Variants in CDKN1C observed in about 807,000 individuals in gnomAD.
CDKN1C encodes cyclin dependent kinase inhibitor 1C.
In CDKN1C, 7 loss-of-function variants were observed where a neutral mutation model predicts 16.5. The observed-to-expected ratio is 0.42, with a 90% CI of 0.24 to 0.80. The LOEUF is 0.80. Ranked by LOEUF, CDKN1C falls within the 30% of genes least tolerant of loss-of-function variation. CDKN1C has a pLI of 0.26. For missense variants in CDKN1C, 429 were observed against 437.3 expected, an observed-to-expected ratio of 0.98 and a Z score of 0.17; for synonymous variants, 288 against 214.4, an observed-to-expected ratio of 1.34 and a Z score of -3.00.
At position 2,883,711 on chromosome 11, in the gene CDKN1C, T is replaced by C. The variant is rs1848858094; in HGVS notation, c.*210A>G. 1 of 1,267,854 alleles carries C rather than the reference T, an allele frequency of 7.9e-7. No individual in the cohort carries two copies. Among genetic ancestry groups the C allele is most frequent in the Non-Finnish European group, 1.0e-6 (1 of 966,390 alleles). 78.5% of individuals were successfully genotyped at this position (1,267,854 alleles called of 1,614,324 possible). A position where few individuals can be genotyped will look rare whatever the true frequency, so the allele number is the denominator to read the frequency against. Reference sequence around the variant, plus strand: ...TTAAAGCTTTACACCTTGGGACCAGTGTACCTTCTCGTGCAGAATACATTT... The same window carrying C: ...TTAAAGCTTTACACCTTGGGACCAGCGTACCTTCTCGTGCAGAATACATTT... On this transcript the variant is annotated 3_prime_UTR_variant, in exon 4 of 4. Coordinates refer to ENST00000440480, the MANE Select transcript of CDKN1C (RefSeq NM_001122630.2).
chr11:2,883,829 G>A lies in CDKN1C; in HGVS notation c.*92C>T. 6.5e-7 allele frequency: 1 copy of A among 1,532,970 alleles called. No homozygotes were observed. The highest frequency in any genetic ancestry group is 1.2e-5 in the South Asian group (1 of 82,526). The allele number at this position is 1,532,970 out of a possible 1,614,324, so 95.0% of individuals were successfully genotyped here. A position where few individuals can be genotyped will look rare whatever the true frequency, so the allele number is the denominator to read the frequency against. ...TCTGCGGCAGCCGCCGCCGGTTGCT[G>A]CTACATGAACGGTCCCAGCCGAGGC... On this transcript the variant is annotated 3_prime_UTR_variant, in exon 4 of 4. Transcript: ENST00000440480.
Position 2,883,481 on chromosome 11 carries a change from G to A in CDKN1C, c.*440C>T, listed in dbSNP as rs920555446. On this transcript the variant is annotated 3_prime_UTR_variant, in exon 4 of 4. Coordinates refer to ENST00000440480, the MANE Select transcript of CDKN1C (RefSeq NM_001122630.2). ...TCAATAACCAGATGTGGGAGATGGA[G>A]AGTGCCTTTGGCATAACCAATAACC... 1 of 211,088 alleles carries A rather than the reference G, an allele frequency of 4.7e-6. No homozygotes were observed. Among genetic ancestry groups the A allele is most frequent in the African/African-American group, 2.3e-5 (1 of 43,622 alleles). The allele number at this position is 211,088 out of a possible 1,614,324, so 13.1% of individuals were successfully genotyped here.
Position 2,884,292 on chromosome 11 carries a change from G to A in CDKN1C, c.788-158C>T, listed in dbSNP as rs551139928. ...GGGTCAGCTTTGTTTACGTCGCCGC[G>A]CAATGTGCTGTGTAAGCATTTCCCC... On this transcript the variant is annotated intron_variant, in intron 2 of 3. Transcript: ENST00000440480. 1.1e-3 allele frequency: 309 copies of A among 289,402 alleles called. 1 individual carries two copies. Among genetic ancestry groups the A allele is most frequent in the African/African-American group, 6.8e-3 (297 of 43,982 alleles). 17.9% of individuals were successfully genotyped at this position (289,402 alleles called of 1,614,324 possible).
At position 2,884,692 on chromosome 11, in the gene CDKN1C, C is replaced by T. The variant is rs1590148866; in HGVS notation, c.765G>A (p.Lys255=). The T allele has an allele frequency of 6.8e-7, 1 of 1,479,566 alleles. No individual in the cohort carries two copies. Among genetic ancestry groups the T allele is most frequent in the Non-Finnish European group, 8.9e-7 (1 of 1,117,692 alleles). The allele number at this position is 1,479,566 out of a possible 1,614,324, so 91.7% of individuals were successfully genotyped here. A position where few individuals can be genotyped will look rare whatever the true frequency, so the allele number is the denominator to read the frequency against. ...AASANGAAIK[K]LSGPLISDFF... is the part of the protein sequence containing the mutation. ...CACCGGAGATCAGAGGCCCGGACAG[C>T]TTCTTGATCGCCGCGCCGTTGGCGC... is the stretch of plus-strand genomic sequence containing the variant. Residue 255 remains lysine, a synonymous_variant, in exon 2 of 4, where the codon AAG becomes AAA. Coordinates refer to ENST00000440480, the MANE Select transcript of CDKN1C (RefSeq NM_001122630.2).
In CDKN1C at chr11:2,884,792, C is replaced by G. The variant is rs564726941; in HGVS notation, c.665G>C (p.Arg222Pro). Residue 222 changes from arginine to proline, a missense_variant, in exon 2 of 4, where the codon CGC (arginine) becomes CCC (proline). Transcript: ENST00000440480. ...SAEQGANQGQ[R>P]GQEPLADQLH... Reference sequence around the variant, plus strand: ...CTGGTCAGCGAGAGGCTCCTGGCCGCGCTGCCCCTGGTTCGCGCCCTGCTC... The same window carrying G: ...CTGGTCAGCGAGAGGCTCCTGGCCGGGCTGCCCCTGGTTCGCGCCCTGCTC... 6.7e-7 allele frequency: 1 copy of G among 1,481,852 alleles called. No individual in the cohort carries two copies. Among genetic ancestry groups the G allele is most frequent in the South Asian group, 1.2e-5 (1 of 81,532 alleles). The allele number at this position is 1,481,852 out of a possible 1,614,324, so 91.8% of individuals were successfully genotyped here. A position where few individuals can be genotyped will look rare whatever the true frequency, so the allele number is the denominator to read the frequency against.
Position 2,883,634 on chromosome 11 carries a change from T to C in CDKN1C, c.*287A>G. ...TTTTTCCTTTTTTTTTTCTTTTTTC[T>C]TTTTTTTGCACTGAGTTTCAGCAGA... On this transcript the variant is annotated 3_prime_UTR_variant, in exon 4 of 4. Coordinates refer to ENST00000440480, the MANE Select transcript of CDKN1C (RefSeq NM_001122630.2). 1.6e-6 allele frequency: 1 copy of C among 613,822 alleles called. No individual in the cohort carries two copies. Among genetic ancestry groups the C allele is most frequent in the Non-Finnish European group, 2.4e-6 (1 of 419,166 alleles). The allele number at this position is 613,822 out of a possible 1,614,324, so 38.0% of individuals were successfully genotyped here. A position where few individuals can be genotyped will look rare whatever the true frequency, so the allele number is the denominator to read the frequency against.
chr11:2,885,737 T>C lies in CDKN1C; in HGVS notation c.-114A>G. The C allele has an allele frequency of 1.7e-6, 1 of 588,200 alleles. No individual in the cohort carries two copies. The highest frequency in any genetic ancestry group is 3.0e-6 in the Non-Finnish European group (1 of 330,526). The allele number at this position is 588,200 out of a possible 1,614,324, so 36.4% of individuals were successfully genotyped here. On this transcript the variant is annotated 5_prime_UTR_variant, in exon 1 of 4. Coordinates refer to ENST00000440480, the MANE Select transcript of CDKN1C (RefSeq NM_001122630.2). Reference sequence around the variant, plus strand: ...GCTGGCTAGCTCGCTCGCTCAGGCCTGGCCGGCACCCCTCGAGCACAGCGC... The same window carrying C: ...GCTGGCTAGCTCGCTCGCTCAGGCCCGGCCGGCACCCCTCGAGCACAGCGC...
Position 2,884,721 on chromosome 11 carries a change from C to T in CDKN1C, c.736G>A (p.Ala246Thr), listed in dbSNP as rs754283907. 1.3e-6 allele frequency: 2 copies of T among 1,503,718 alleles called. No individual in the cohort carries two copies. The highest frequency in any genetic ancestry group is 2.0e-5 in the Admixed American group (1 of 49,778). 93.1% of individuals were successfully genotyped at this position (1,503,718 alleles called of 1,614,324 possible). A position where few individuals can be genotyped will look rare whatever the true frequency, so the allele number is the denominator to read the frequency against. ...SGRPAAGTAA[A>T]SANGAAIKKL... The stretch of plus-strand genomic sequence containing the variant: ...TTGATCGCCGCGCCGTTGGCGCTGG[C>T]GGCCGCGGTGCCGGCCGCGGGACGT... Residue 246 changes from alanine to threonine, a missense_variant, in exon 2 of 4, where the codon GCC becomes ACC. By Grantham distance (58) the Ala-to-Thr change is moderately conservative. Transcript: ENST00000440480.
At position 2,884,964 on chromosome 11, in the gene CDKN1C, C is replaced by CCAG; in HGVS notation, c.492_493insCTG (p.Val164_Ala165insLeu). 3.9e-6 allele frequency: 4 copies of CCAG among 1,021,092 alleles called. No individual in the cohort carries two copies. The highest frequency in any genetic ancestry group is 1.8e-5 in the African/African-American group (1 of 55,918). The allele number at this position is 1,021,092 out of a possible 1,614,324, so 63.3% of individuals were successfully genotyped here. A position where few individuals can be genotyped will look rare whatever the true frequency, so the allele number is the denominator to read the frequency against. ...GGGGCCGGGGCCGGGGCCAGGACCG[C>CCAG]GACCGCGACCGGAGCCGCGACCGGA... On this transcript the variant is annotated inframe_insertion, in exon 2 of 4. Transcript: ENST00000440480.
At position 2,884,978 on chromosome 11, in the gene CDKN1C, GCC is replaced by G; in HGVS notation, c.477_478del (p.Ala160SerfsTer69). 1.6e-6 allele frequency: 1 copy of G among 609,882 alleles called. No homozygotes were observed. The highest frequency in any genetic ancestry group is 2.2e-6 in the Non-Finnish European group (1 of 455,010). 37.8% of individuals were successfully genotyped at this position (609,882 alleles called of 1,614,324 possible). A position where few individuals can be genotyped will look rare whatever the true frequency, so the allele number is the denominator to read the frequency against. On this transcript the variant is annotated frameshift_variant, in exon 2 of 4. Coordinates refer to ENST00000440480, the MANE Select transcript of CDKN1C (RefSeq NM_001122630.2). LOFTEE classifies it high-confidence loss of function. ...GGCCAGGACCGCGACCGCGACCGGA[GCC>G]GCGACCGGAGCCGCGACCGGAGCCG...
intron 2 of CDKN1C, chr11:2,884,403 G>C (rs1246393603): frequency 4.2e-6 from 1 of 238,408 alleles, no homozygotes; most frequent in East Asian, 8.3e-5. Context: ...CGCCCGGGGA[G>C]GGGCTCCCGC....
intron 1 of CDKN1C, 37 bp downstream of exon 1, chr11:2,885,597 C>A: frequency 7.3e-7 from 1 of 1,369,242 alleles, no homozygotes; most frequent in South Asian, 1.3e-5. Flanking sequence ...GACCCCGCGC[C>A]GCCCGACTCT....
chr11:2,884,538 C>T, intron 2 of CDKN1C, 132 bp downstream of exon 2: 1 of 448,598 alleles, frequency 2.2e-6, no homozygotes, highest in Non-Finnish European at 3.5e-6. Flanking sequence ...GCAGCCGCGC[C>T]CTGAGCGCTG....
rs896715262 is a variant in CDKN1C at position 2,885,763 on chromosome 11, A to C, written c.-140T>G. The C allele has an allele frequency of 1.3e-5, 7 of 554,792 alleles. No individual in the cohort carries two copies. The highest frequency in any genetic ancestry group is 2.2e-5 in the South Asian group (1 of 45,056). The allele number at this position is 554,792 out of a possible 1,614,324, so 34.4% of individuals were successfully genotyped here. A position where few individuals can be genotyped will look rare whatever the true frequency, so the allele number is the denominator to read the frequency against. On this transcript the variant is annotated 5_prime_UTR_variant, in exon 1 of 4. Coordinates refer to ENST00000440480, the MANE Select transcript of CDKN1C (RefSeq NM_001122630.2). ...GGCCGGCACCCCTCGAGCACAGCGC[A>C]CTTGGCCTGTGGAACGCCCAGCCCG...
Position 2,884,722 on chromosome 11 carries a change from G to T in CDKN1C, c.735C>A (p.Ala245=). 1.3e-6 allele frequency: 2 copies of T among 1,505,594 alleles called. No homozygotes were observed. The highest frequency in any genetic ancestry group is 1.8e-6 in the Non-Finnish European group (2 of 1,131,542). The allele number at this position is 1,505,594 out of a possible 1,614,324, so 93.3% of individuals were successfully genotyped here. A position where few individuals can be genotyped will look rare whatever the true frequency, so the allele number is the denominator to read the frequency against. The part of the protein sequence containing the change: ...ISGRPAAGTA[A]ASANGAAIKK... ...TGATCGCCGCGCCGTTGGCGCTGGC[G>T]GCCGCGGTGCCGGCCGCGGGACGTC... The change falls in exon 2 of 4, where the codon GCC becomes GCA. Residue 245 remains alanine, a synonymous_variant. Transcript: ENST00000440480.
rs1220484886 is a variant in CDKN1C at position 2,885,478 on chromosome 11, C to T, written c.-10-12G>A. ...CCATCGTGGATGTGCTGCGGAGGGACGCGTCGGACATGGCCCGGGGCTGCG... is the reference window on the plus strand; with the variant it reads ...CCATCGTGGATGTGCTGCGGAGGGATGCGTCGGACATGGCCCGGGGCTGCG... On this transcript the variant is annotated splice_polypyrimidine_tract_variant and intron_variant, in intron 1 of 3. Transcript: ENST00000440480. 6 of 1,543,930 alleles carry T rather than the reference C, an allele frequency of 3.9e-6. No individual in the cohort carries two copies. Among genetic ancestry groups the T allele is most frequent in the Non-Finnish European group, 5.2e-6 (6 of 1,147,002 alleles).
chr11:2,884,267 G>T (rs1473016185), intron 2 of CDKN1C, 133 bp from the exon 3 acceptor site: 8 of 468,544 alleles, frequency 1.7e-5, no homozygotes, highest in Non-Finnish European at 1.7e-5. Context: ...GGTCCGCGGC[G>T]GGTCAGCTTT....
intron 3 of CDKN1C, 22 bp downstream of exon 3, chr11:2,883,977 C>CG: frequency 6.4e-7 from 1 of 1,561,920 alleles, no homozygotes. Context: ...CCTCCGCGCC[C>CG]CCCCAGGTGC....
chr11:2,884,339 C>T, intron 2 of CDKN1C: 3 of 228,110 alleles, frequency 1.3e-5, no homozygotes, highest in Non-Finnish European at 2.3e-5. Context: ...CCAAGCCCCC[C>T]GGGGCCGCCG....
Sources: allele counts gnomAD v4.1 joint callset, GRCh38; gene constraint gnomAD v4.1.1; transcripts MANE v1.5; gene names NCBI Gene and HGNC (gene_info 2026-07-23, HGNC 2026-07-21).